The following DGKB variants were observed in gnomAD, a reference collection of about 807,000 sequenced individuals.
DGKB encodes 90 kDa diacylglycerol kinase.
Under a neutral mutation model 114.3 loss-of-function variants are expected in DGKB, and 67 were observed. That is an observed-to-expected ratio of 0.59 (90% CI 0.48 to 0.72). The LOEUF (loss-of-function observed/expected upper bound fraction) is 0.72, where lower values mean the gene tolerates loss of function less well. Ranked by LOEUF, DGKB falls within the 30% of genes least tolerant of loss-of-function variation. DGKB has a pLI of 0.00. For synonymous variants in DGKB, 398 were observed against 323.1 expected (o/e 1.23, Z -2.49); for missense variants, 907 against 975.2 (o/e 0.93, Z 0.93).
chr7:14,462,775 T>C (rs1278055829), intron 21 of DGKB, among the ~76,000 whole-genome samples: 1 of 152,142 alleles, frequency 6.6e-6, no homozygotes, highest in Non-Finnish European at 1.5e-5. Flanking sequence ...AAGGAGGCTG[T>C]ATAGCCAAGA....
chr7:14,613,340 C>A lies in DGKB; in HGVS notation c.1358G>T (p.Arg453Leu), dbSNP rs866169350. ...CACTAAAATCAATCAAAAAACATACCGTTCTCCTTGTTTTCCACCACTTTT... is the reference window on the plus strand; with the variant it reads ...CACTAAAATCAATCAAAAAACATACAGTTCTCCTTGTTTTCCACCACTTTT... ...NPKSGGKQGE[R>L]IYRKFQYLLN... Residue 453 changes from arginine (R) to leucine (L), a missense_variant and splice_region_variant, in exon 16 of 26, where the codon CGA becomes CTA. Coordinates refer to ENST00000402815, the MANE Select transcript of DGKB (RefSeq NM_001350709.2). 6.4e-7 allele frequency: 1 copy of A among 1,554,458 alleles called. No homozygotes were observed.
intron 21 of DGKB, among the ~76,000 whole-genome samples, chr7:14,457,477 G>T (rs1010431001): frequency 1.5e-4 from 23 of 152,068 alleles, no homozygotes; most frequent in African/African-American, 5.6e-4. Context: ...GCTATTAATT[G>T]CTATATTAAA....
intron 2 of DGKB, among the ~76,000 whole-genome samples, chr7:14,779,254 T>G (rs2128485281): frequency 6.6e-6 from 1 of 152,216 alleles, no homozygotes; most frequent in Non-Finnish European, 1.5e-5. Context: ...TAAAAGCAGG[T>G]GGAGAGGGGT....
rs142608303 is a variant in DGKB, at chr7:14,728,460, C to T, written c.322+7581G>A. ...ACTGGAGTCCAGGCCAGATCCAGAC[C>T]TCTCAGTGCTCCTAACAAGTCTATC... On this transcript the variant is annotated intron_variant, in intron 5 of 25. Coordinates refer to ENST00000402815, the MANE Select transcript of DGKB (RefSeq NM_001350709.2). Among the ~76,000 whole-genome samples the T allele has an allele frequency of 2.1e-3, 321 of 152,242 alleles. 3 individuals are homozygous for T. The highest frequency in any genetic ancestry group is 7.4e-3 in the African/African-American group (307 of 41,558).
chr7:14,539,994 T>C (rs182886948), intron 20 of DGKB, among the ~76,000 whole-genome samples: 2 of 152,128 alleles, frequency 1.3e-5, no homozygotes, highest in East Asian at 3.9e-4. Flanking sequence ...ATTGAGCATG[T>C]TTTTCTCATT....
At chr7:14,188,699 A>T (rs1466667687) in intron 23 of DGKB, among the ~76,000 whole-genome samples, 1 of 150,176 alleles carries the variant, frequency 6.7e-6, no homozygotes, top group Admixed American at 6.6e-5. Flanking sequence ...CCCCAATTAC[A>T]TTCAATCCAA....
chr7:14,874,173 C>T (rs1852906273), intron 1 of DGKB, among the ~76,000 whole-genome samples: 1 of 152,048 alleles, frequency 6.6e-6, no homozygotes. Context: ...CCTTGAGAAA[C>T]TTGTTTTAAA....
intron 21 of DGKB, among the ~76,000 whole-genome samples, chr7:14,356,258 T>A (rs1814467483): frequency 6.6e-6 from 1 of 151,982 alleles, no homozygotes; most frequent in Non-Finnish European, 1.5e-5. Context: ...TTGAGGGGTT[T>A]TTTGACTCTC....
At chr7:14,729,941 C>T (rs1830672733) in intron 5 of DGKB, among the ~76,000 whole-genome samples, 1 of 151,924 alleles carries the variant, frequency 6.6e-6, no homozygotes, top group Non-Finnish European at 1.5e-5. Flanking sequence ...AATTGAGTGC[C>T]TATTATTATT....
chr7:14,750,326 A>AG (rs1833923566), intron 4 of DGKB: 2 of 408,626 alleles, frequency 4.9e-6, no homozygotes, highest in African/African-American at 2.1e-5. Context: ...CTGCCGTTTG[A>AG]GAAAAAAAAG....
At chr7:14,783,575 T>C (rs1839433561) in intron 2 of DGKB, among the ~76,000 whole-genome samples, 2 of 152,230 alleles carry the variant, frequency 1.3e-5, no homozygotes, top group Admixed American at 1.3e-4. Context: ...AGTGGTTATG[T>C]ATGGTCATTT....
At chr7:14,603,105 G>C (rs1205051942) in intron 17 of DGKB, among the ~76,000 whole-genome samples, 1 of 152,088 alleles carries the variant, frequency 6.6e-6, no homozygotes, top group Non-Finnish European at 1.5e-5. Context: ...ATTCATTGTG[G>C]TAACATATTT....
intron 20 of DGKB, among the ~76,000 whole-genome samples, chr7:14,542,191 A>T (rs1283880773): frequency 6.6e-6 from 1 of 151,896 alleles, no homozygotes; most frequent in Non-Finnish European, 1.5e-5. Context: ...TATCATTATT[A>T]TTATTATTTG....
rs559355162 is a variant in DGKB at position 14,147,991 on chromosome 7, G to T, written c.*1140C>A. ...TGCATGATTCGCTTCCAAGAGCTCA[G>T]TATTATTACAGGTACCCATTTATAC... On this transcript the variant is annotated 3_prime_UTR_variant, in exon 26 of 26. Coordinates refer to ENST00000402815, the MANE Select transcript of DGKB (RefSeq NM_001350709.2). 3 of 152,198 alleles carry T rather than the reference G, an allele frequency of 2.0e-5. No individual in the cohort carries two copies. Among genetic ancestry groups the T allele is most frequent in the East Asian group, 3.9e-4 (2 of 5,178 alleles). The allele number at this position is 152,198 out of a possible 1,614,324, so 9.4% of individuals were successfully genotyped here. A position where few individuals can be genotyped will look rare whatever the true frequency, so the allele number is the denominator to read the frequency against.
At chr7:14,805,792 G>C (rs191379890) in intron 2 of DGKB, among the ~76,000 whole-genome samples, 1 of 150,692 alleles carries the variant, frequency 6.6e-6, no homozygotes, top group African/African-American at 2.5e-5. Flanking sequence ...CTTCTTTCTG[G>C]TTCTCAAATT....
intron 23 of DGKB, among the ~76,000 whole-genome samples, chr7:14,325,513 G>C (rs1808560870): frequency 6.6e-6 from 1 of 152,118 alleles, no homozygotes; most frequent in Admixed American, 6.6e-5. Context: ...TGAAAAGAGT[G>C]AACTGTACTC....
intron 1 of DGKB, among the ~76,000 whole-genome samples, chr7:14,913,916 A>T (rs1022687814): frequency 4.6e-5 from 7 of 152,132 alleles, no homozygotes; most frequent in Non-Finnish European, 1.0e-4. Flanking sequence ...AGACAAGCAA[A>T]CATAGAGAAT....
At chr7:14,326,562 C>G (rs1808778598) in intron 23 of DGKB, among the ~76,000 whole-genome samples, 1 of 152,038 alleles carries the variant, frequency 6.6e-6, no homozygotes, top group Non-Finnish European at 1.5e-5. Context: ...AAACATTATT[C>G]TCAAGAGATA....
chr7:14,422,459 C>G (rs1387597631), intron 21 of DGKB, among the ~76,000 whole-genome samples: 2 of 151,938 alleles, frequency 1.3e-5, no homozygotes. Context: ...AGACTTAAAC[C>G]CATGTACATT....
Sources: allele counts gnomAD v4.1 joint callset (sites outside exome capture counted in the v4.1 genomes callset), GRCh38; gene constraint gnomAD v4.1.1; transcripts MANE v1.5; gene names NCBI Gene and HGNC (gene_info 2026-07-23, HGNC 2026-07-21).